TMEM106B: variants seen among roughly 807,000 people sequenced by gnomAD.
TMEM106B encodes the protein transmembrane protein 106B.
In TMEM106B, 15 loss-of-function variants were observed where a neutral mutation model predicts 31.1. That is an observed-to-expected ratio of 0.48 (90% confidence interval 0.32 to 0.74). The LOEUF is 0.74. Among genes scored for constraint, TMEM106B ranks in the 30% least tolerant of loss-of-function variants. TMEM106B has a pLI of 0.03. For synonymous variants in TMEM106B, 126 were observed against 112.5 expected (o/e 1.12, Z -0.76); for missense variants, 283 against 327.3 (o/e 0.86, Z 1.04).
rs374626555 is a variant in TMEM106B, at chr7:12,230,456, A to G, written c.632+18A>G. The stretch of plus-strand genomic sequence containing the variant: ...TATATGTAGTAAGTTCTGATTTATA[A>G]TAACTTTTTATTGTCAAATAATGAA... On this transcript the variant is annotated intron_variant, in intron 6 of 7. Coordinates refer to ENST00000396668, the MANE Select transcript of TMEM106B (RefSeq NM_001134232.2). The G allele has an allele frequency of 7.3e-5, 107 of 1,463,106 alleles. No homozygotes were observed. Among genetic ancestry groups the G allele is most frequent in the Non-Finnish European group, 9.5e-5 (100 of 1,053,320 alleles). 90.6% of individuals were successfully genotyped at this position (1,463,106 alleles called of 1,614,324 possible).
rs888289184 is a variant in TMEM106B at position 12,236,624 on chromosome 7, T to G, written c.*4649T>G. 1 of 151,998 alleles carries G rather than the reference T, an allele frequency of 6.6e-6. No individual in the cohort carries two copies. Among genetic ancestry groups the G allele is most frequent in the Non-Finnish European group, 1.5e-5 (1 of 67,908 alleles). The allele number at this position is 151,998 out of a possible 1,614,324, so 9.4% of individuals were successfully genotyped here. The stretch of plus-strand genomic sequence containing the variant: ...AATATTACTACCATGTAGACTGTTA[T>G]AGTTCAAATTGTCCCACTTCACCCA... On this transcript the variant is annotated 3_prime_UTR_variant, in exon 8 of 8. Coordinates refer to ENST00000396668, the MANE Select transcript of TMEM106B (RefSeq NM_001134232.2).
At position 12,237,453 on chromosome 7, in the gene TMEM106B, A is replaced by G. The variant is rs534273426; in HGVS notation, c.*5478A>G. ...AAGCTTTATCCATTCTACCTCTGTA[A>G]TGTCTCTGGAATTTATCTCATACGT... On this transcript the variant is annotated 3_prime_UTR_variant, in exon 8 of 8. Coordinates refer to ENST00000396668, the MANE Select transcript of TMEM106B (RefSeq NM_001134232.2). 3.9e-5 allele frequency: 6 copies of G among 152,014 alleles called. No individual in the cohort carries two copies. The South Asian group carries it at 1.2e-3, about 32-fold the overall frequency. The allele number at this position is 152,014 out of a possible 1,614,324, so 9.4% of individuals were successfully genotyped here.
rs544760520 is a variant in TMEM106B at position 12,235,432 on chromosome 7, A to T, written c.*3457A>T. 3 of 152,168 alleles carry T rather than the reference A, an allele frequency of 2.0e-5. No individual in the cohort carries two copies. Among genetic ancestry groups the T allele is most frequent in the African/African-American group, 7.2e-5 (3 of 41,538 alleles). The allele number at this position is 152,168 out of a possible 1,614,324, so 9.4% of individuals were successfully genotyped here. A position where few individuals can be genotyped will look rare whatever the true frequency, so the allele number is the denominator to read the frequency against. On this transcript the variant is annotated 3_prime_UTR_variant, in exon 8 of 8. Transcript: ENST00000396668. ...GCCTTGTTAGGCCAGTGAAGCAATTATTTTCTCTAAGAAAATGACAATAAA... is the reference window on the plus strand; with the variant it reads ...GCCTTGTTAGGCCAGTGAAGCAATTTTTTTCTCTAAGAAAATGACAATAAA...
rs146722094 is a variant in TMEM106B at position 12,225,061 on chromosome 7, C to T, written c.441+676C>T. 2.3e-3 allele frequency among the ~76,000 whole-genome samples: 356 copies of T among 152,184 alleles called. 2 individuals are homozygous for T. Among genetic ancestry groups the T allele is most frequent in the East Asian group, 9.3e-3 (48 of 5,168 alleles). On this transcript the variant is annotated intron_variant, in intron 4 of 7. Coordinates refer to ENST00000396668, the MANE Select transcript of TMEM106B (RefSeq NM_001134232.2). ...GGCCTCGGTGTGTGATGTTCCCCTC[C>T]CTGTATCCAAGTATTCTCATTGTTC...
At position 12,239,364 on chromosome 7, in the gene TMEM106B, C is replaced by T. The variant is rs1427893352; in HGVS notation, c.*7389C>T. 1 of 152,130 alleles carries T rather than the reference C, an allele frequency of 6.6e-6. No individual in the cohort carries two copies. The highest frequency in any genetic ancestry group is 6.5e-5 in the Admixed American group (1 of 15,278). 9.4% of individuals were successfully genotyped at this position (152,130 alleles called of 1,614,324 possible). A position where few individuals can be genotyped will look rare whatever the true frequency, so the allele number is the denominator to read the frequency against. ...GTTTGATCTATTGAAACCACTAAAACATTCCCATATCGGCAATAAGGCTGT... is the reference window on the plus strand; with the variant it reads ...GTTTGATCTATTGAAACCACTAAAATATTCCCATATCGGCAATAAGGCTGT... On this transcript the variant is annotated 3_prime_UTR_variant, in exon 8 of 8. Transcript: ENST00000396668.
Position 12,224,307 on chromosome 7 carries a change from C to G in TMEM106B, c.363C>G (p.Ile121Met). The part of the protein sequence containing the change: ...LAVFFLFPRS[I>M]DVKYIGVKSA... ...TGTTTTTCCTTTTCCCTCGCTCTAT[C>G]GACGTGAAATACATTGGTGTAAAAT... is the stretch of plus-strand genomic sequence containing the variant. The change falls in exon 4 of 8, where the codon ATC (isoleucine) becomes ATG (methionine). Residue 121 changes from isoleucine (I) to methionine (M), a missense_variant. Physicochemically the swap from Ile to Met is conservative, Grantham distance 10. Coordinates refer to ENST00000396668, the MANE Select transcript of TMEM106B (RefSeq NM_001134232.2). 1 of 1,613,930 alleles carries G rather than the reference C, an allele frequency of 6.2e-7. No individual in the cohort carries two copies. The highest frequency in any genetic ancestry group is 8.5e-7 in the Non-Finnish European group (1 of 1,179,894).
chr7:12,226,941 C>A (rs1288470586), intron 4 of TMEM106B, among the ~76,000 whole-genome samples: 3 of 151,828 alleles, frequency 2.0e-5, no homozygotes, highest in African/African-American at 7.3e-5. Context: ...ATTGGCCAGA[C>A]TTTTTTTGGC....
In TMEM106B at chr7:12,220,106, A is replaced by G. The variant is rs371586691; in HGVS notation, c.281+1585A>G. On this transcript the variant is annotated intron_variant, in intron 3 of 7. Transcript: ENST00000396668. ...TTCTTGACTACAGTGCCTCAAACGG[A>G]TAAGCAATGGTGTGACATATTTAAA... 5.9e-5 allele frequency among the ~76,000 whole-genome samples: 9 copies of G among 152,320 alleles called. No homozygotes were observed. The East Asian group carries it at 1.3e-3, about 23-fold the overall frequency.
intron 3 of TMEM106B, among the ~76,000 whole-genome samples, chr7:12,222,316 C>G (rs1163562615): frequency 2.6e-5 from 4 of 152,070 alleles, no homozygotes. Flanking sequence ...TATATTTTGT[C>G]AGTAAACTAG....
chr7:12,220,509 C>G (rs1430746130), intron 3 of TMEM106B, among the ~76,000 whole-genome samples: 1 of 152,098 alleles, frequency 6.6e-6, no homozygotes, highest in Admixed American at 6.6e-5. Flanking sequence ...TGCAAATGAC[C>G]TTTAAACATT....
Position 12,231,952 on chromosome 7 carries a change from A to T in TMEM106B, c.802A>T (p.Asn268Tyr). 1 of 1,611,892 alleles carries T rather than the reference A, an allele frequency of 6.2e-7. No homozygotes were observed. Among genetic ancestry groups the T allele is most frequent in the Non-Finnish European group, 8.5e-7 (1 of 1,178,512 alleles). The change falls in exon 8 of 8, where the codon AAT (asparagine) becomes TAT (tyrosine). Residue 268 changes from asparagine to tyrosine, a missense_variant. Asn to Tyr is a moderately radical substitution (Grantham distance 143). Transcript: ENST00000396668. ...TYQLGQSEYL[N>Y]VLQPQQ ...TCAGTTGGGGCAGTCTGAATATTTA[A>T]ATGTACTTCAGCCACAACAGTAAAA...
Position 12,235,727 on chromosome 7 carries a change from T to C in TMEM106B, c.*3752T>C. The C allele has an allele frequency of 6.6e-6, 1 of 151,820 alleles. No homozygotes were observed. Among genetic ancestry groups the C allele is most frequent in the Non-Finnish European group, 1.5e-5 (1 of 67,814 alleles). The allele number at this position is 151,820 out of a possible 1,614,324, so 9.4% of individuals were successfully genotyped here. A position where few individuals can be genotyped will look rare whatever the true frequency, so the allele number is the denominator to read the frequency against. Reference sequence around the variant, plus strand: ...CAGTTCTTTATATAATAATTATATTTTATTTAAGAAAATAGTTTGTTAGGT... The same window carrying C: ...CAGTTCTTTATATAATAATTATATTCTATTTAAGAAAATAGTTTGTTAGGT... On this transcript the variant is annotated 3_prime_UTR_variant, in exon 8 of 8. Transcript: ENST00000396668.
At chr7:12,212,802 C>T (rs1017777254) in intron 1 of TMEM106B, among the ~76,000 whole-genome samples, 3 of 152,102 alleles carry the variant, frequency 2.0e-5, no homozygotes, top group Admixed American at 6.6e-5. Flanking sequence ...TTTCTTCATA[C>T]TCTAGGATGA....
At position 12,241,651 on chromosome 7, in the gene TMEM106B, T is replaced by A. The variant is rs766165509; in HGVS notation, c.*9676T>A. The A allele has an allele frequency of 6.6e-6, 1 of 152,224 alleles. No individual in the cohort carries two copies. Among genetic ancestry groups the A allele is most frequent in the Non-Finnish European group, 1.5e-5 (1 of 68,054 alleles). The allele number at this position is 152,224 out of a possible 1,614,324, so 9.4% of individuals were successfully genotyped here. A position where few individuals can be genotyped will look rare whatever the true frequency, so the allele number is the denominator to read the frequency against. Reference sequence around the variant, plus strand: ...CACATTTTCTTTATCCAGTCTATCATTGATGGACATTTGGGTTGGTTCCAA... The same window carrying A: ...CACATTTTCTTTATCCAGTCTATCAATGATGGACATTTGGGTTGGTTCCAA... On this transcript the variant is annotated 3_prime_UTR_variant, in exon 8 of 8. Transcript: ENST00000396668.
At chr7:12,223,657 C>T (rs1381967371) in intron 3 of TMEM106B, among the ~76,000 whole-genome samples, 1 of 151,112 alleles carries the variant, frequency 6.6e-6, no homozygotes, top group East Asian at 1.9e-4. Context: ...ACTGCTCTGG[C>T]AGTCAAAAAA....
chr7:12,224,009 G>T (rs1336868205), intron 3 of TMEM106B, among the ~76,000 whole-genome samples: 2 of 152,010 alleles, frequency 1.3e-5, no homozygotes, highest in African/African-American at 2.4e-5. Context: ...GTGAGCCACC[G>T]CATCCCGCCG....
At chr7:12,229,002 A>G (rs1234781260) in intron 4 of TMEM106B, among the ~76,000 whole-genome samples, 1 of 151,986 alleles carries the variant, frequency 6.6e-6, no homozygotes, top group African/African-American at 2.4e-5. Flanking sequence ...TGCATGTTAT[A>G]GATTATAACC....
rs1365258252 is a variant in TMEM106B, at chr7:12,239,574, A to G, written c.*7599A>G. On this transcript the variant is annotated 3_prime_UTR_variant, in exon 8 of 8. Transcript: ENST00000396668. ...TGAGAAATGCTTGATTACTAGGTGT[A>G]ATTATTTCTAGCTTTTGATTGAAAG... is the stretch of plus-strand genomic sequence containing the variant. 6.6e-6 allele frequency: 1 copy of G among 152,116 alleles called. No individual in the cohort carries two copies. Among genetic ancestry groups the G allele is most frequent in the Non-Finnish European group, 1.5e-5 (1 of 68,014 alleles). 9.4% of individuals were successfully genotyped at this position (152,116 alleles called of 1,614,324 possible). A position where few individuals can be genotyped will look rare whatever the true frequency, so the allele number is the denominator to read the frequency against.
At chr7:12,225,443 C>T (rs1781881787) in intron 4 of TMEM106B, among the ~76,000 whole-genome samples, 1 of 152,172 alleles carries the variant, frequency 6.6e-6, no homozygotes, top group Admixed American at 6.5e-5. Flanking sequence ...AGAATCACCA[C>T]ACTGTCTTCC....
Sources: gnomAD v4.1 joint callset for allele counts (sites outside exome capture counted in the v4.1 genomes callset) on GRCh38, gnomAD v4.1.1 for gene constraint, MANE v1.5 for transcripts, NCBI Gene and HGNC (gene_info 2026-07-23, HGNC 2026-07-21) for gene names.